The following NR3C2 variants were observed in gnomAD, a reference collection of about 807,000 sequenced individuals.
NR3C2 encodes nuclear receptor subfamily 3 group C member 2.
NR3C2 carries 15 observed loss-of-function variants against 86.4 expected under a neutral mutation model. That is an observed-to-expected ratio of 0.17 (90% CI 0.12 to 0.27). The LOEUF is 0.27. Ranked by LOEUF, NR3C2 falls within the 10% of genes least tolerant of loss-of-function variation. The pLI, the probability that NR3C2 is intolerant of heterozygous loss-of-function variation, is 1.00. For synonymous variants in NR3C2, 458 were observed against 450.5 expected, an observed-to-expected ratio of 1.02 and a Z score of -0.21; for missense variants, 960 against 1,195.6, an observed-to-expected ratio of 0.80 and a Z score of 2.91.
chr4:148,360,020 T>C (rs1380437967), intron 2 of NR3C2, among the ~76,000 whole-genome samples: 1 of 152,122 alleles, frequency 6.6e-6, no homozygotes. Flanking sequence ...GAAGACAAGG[T>C]AGCAGAACAA....
intron 2 of NR3C2, among the ~76,000 whole-genome samples, chr4:148,291,526 T>G (rs1741794352): frequency 6.6e-6 from 1 of 152,078 alleles, no homozygotes. Context: ...TTACTGAACA[T>G]TAGTCAATGA....
At chr4:148,435,081 A>G in intron 2 of NR3C2, 23 bp downstream of exon 2, 2 of 1,613,322 alleles carry the variant, frequency 1.2e-6, no homozygotes, top group Non-Finnish European at 1.7e-6. Flanking sequence ...TGACTTCCAA[A>G]AAAATGGAGA....
At chr4:148,388,408 T>C (rs1301504164) in intron 2 of NR3C2, among the ~76,000 whole-genome samples, 2 of 152,174 alleles carry the variant, frequency 1.3e-5, no homozygotes, top group South Asian at 4.1e-4. Flanking sequence ...TCAAAAAGTT[T>C]TGGATTTTGG....
intron 2 of NR3C2, among the ~76,000 whole-genome samples, chr4:148,292,148 T>C (rs1005919588): frequency 6.6e-5 from 10 of 152,026 alleles, no homozygotes; most frequent in Admixed American, 6.6e-4. Flanking sequence ...CAAAAATACT[T>C]TCCTATTATG....
At chr4:148,122,424 T>C (rs1732549390) in intron 6 of NR3C2, among the ~76,000 whole-genome samples, 1 of 152,250 alleles carries the variant, frequency 6.6e-6, no homozygotes, top group East Asian at 1.9e-4. Flanking sequence ...CACGTAATTA[T>C]ATTTCACACA....
At chr4:148,133,536 C>T (rs1733133842) in intron 6 of NR3C2, among the ~76,000 whole-genome samples, 1 of 152,136 alleles carries the variant, frequency 6.6e-6, no homozygotes, top group South Asian at 2.1e-4. Flanking sequence ...GAAACGTTAC[C>T]AGACTATTGT....
At chr4:148,256,352 G>A (rs3906618) in intron 3 of NR3C2, among the ~76,000 whole-genome samples, 152,303 of 152,336 alleles carry the variant, frequency 1, 76,135 homozygotes, top group Non-Finnish European at 1. Context: ...ACTCAATGTG[G>A]TTGTATCATT....
intron 2 of NR3C2, among the ~76,000 whole-genome samples, chr4:148,264,336 G>A (rs926932142): frequency 2.0e-5 from 3 of 152,150 alleles, no homozygotes; most frequent in Non-Finnish European, 4.4e-5. Context: ...CCAGTTTTAA[G>A]AAACACATTT....
chr4:148,104,314 T>C (rs1731678159), intron 8 of NR3C2, among the ~76,000 whole-genome samples: 1 of 131,632 alleles, frequency 7.6e-6, no homozygotes, highest in African/African-American at 3.0e-5. Context: ...AAGAGTGAGA[T>C]TTGTTTGTTT....
chr4:148,398,748 G>A (rs1747986761), intron 2 of NR3C2, among the ~76,000 whole-genome samples: 1 of 152,128 alleles, frequency 6.6e-6, no homozygotes, highest in Admixed American at 6.5e-5. Flanking sequence ...TACCCTCATG[G>A]AGCTTACATT....
chr4:148,383,511 T>C (rs1343834107), intron 2 of NR3C2, among the ~76,000 whole-genome samples: 1 of 152,206 alleles, frequency 6.6e-6, no homozygotes, highest in Non-Finnish European at 1.5e-5. Flanking sequence ...TGCAATTTTA[T>C]GAAGTTTTAA....
chr4:148,398,192 T>G (rs1747958086), intron 2 of NR3C2, among the ~76,000 whole-genome samples: 1 of 152,228 alleles, frequency 6.6e-6, no homozygotes, highest in Non-Finnish European at 1.5e-5. Context: ...GCAAAAACCC[T>G]ACTTCCAAAT....
At chr4:148,347,809 C>CCACCACTG (rs1745070903) in intron 2 of NR3C2, among the ~76,000 whole-genome samples, 1 of 152,098 alleles carries the variant, frequency 6.6e-6, no homozygotes, top group East Asian at 1.9e-4. Flanking sequence ...AACCAGCCAA[C>CCACCACTG]CACCACTGCA....
chr4:148,402,516 G>C (rs1748219287), intron 2 of NR3C2, among the ~76,000 whole-genome samples: 1 of 152,208 alleles, frequency 6.6e-6, no homozygotes, highest in African/African-American at 2.4e-5. Flanking sequence ...ATACTTCAGG[G>C]ACTGGTATAG....
intron 2 of NR3C2, among the ~76,000 whole-genome samples, chr4:148,294,076 T>C (rs1741923369): frequency 3.3e-5 from 5 of 152,168 alleles, no homozygotes; most frequent in Admixed American, 3.3e-4. Flanking sequence ...ACTCAAACAG[T>C]GATCCTGAGA....
intron 4 of NR3C2, among the ~76,000 whole-genome samples, chr4:148,167,646 TA>T (rs1734938390): frequency 6.6e-6 from 1 of 152,232 alleles, no homozygotes; most frequent in South Asian, 2.1e-4. Context: ...CAGTAGGCAC[TA>T]AATAAGTGCT....
At chr4:148,277,007 A>G (rs990769333) in intron 2 of NR3C2, among the ~76,000 whole-genome samples, 3 of 152,258 alleles carry the variant, frequency 2.0e-5, no homozygotes, top group Admixed American at 1.3e-4. Context: ...GTAACTTAGT[A>G]ACATTTAATC....
chr4:148,091,317 T>G (rs1731050541), intron 8 of NR3C2, among the ~76,000 whole-genome samples: 2 of 152,210 alleles, frequency 1.3e-5, no homozygotes, highest in Non-Finnish European at 2.9e-5. Flanking sequence ...CTGCACAGCC[T>G]TCCCCCAACC....
At chr4:148,123,858 C>CA (rs1280446205) in intron 6 of NR3C2, among the ~76,000 whole-genome samples, 1 of 152,248 alleles carries the variant, frequency 6.6e-6, no homozygotes, top group African/African-American at 2.4e-5. Flanking sequence ...CTCTGACCAC[C>CA]ATCACTTCTT....
Sources: allele counts gnomAD v4.1 joint callset (sites outside exome capture counted in the v4.1 genomes callset), GRCh38; gene constraint gnomAD v4.1.1; transcripts MANE v1.5; gene names NCBI Gene and HGNC (gene_info 2026-07-23, HGNC 2026-07-21).